The following SLC44A1 variants were observed in gnomAD, a reference collection of about 807,000 sequenced individuals.
SLC44A1 encodes the protein choline transporter-like protein 1.
SLC44A1 carries 26 observed loss-of-function variants against 79.3 expected under a neutral mutation model. That is an observed-to-expected ratio of 0.33 (90% CI 0.24 to 0.46). The LOEUF (loss-of-function observed/expected upper bound fraction) is 0.46, where lower values mean the gene tolerates loss of function less well. Among genes scored for constraint, SLC44A1 ranks in the 20% least tolerant of loss-of-function variants. The pLI is 1.00. For missense variants in SLC44A1, 688 were observed against 798.1 expected (o/e 0.86, Z 1.66); for synonymous variants, 263 against 286.2 (o/e 0.92, Z 0.82).
At chr9:105,252,980 C>G (rs1232888958) in intron 1 of SLC44A1, among the ~76,000 whole-genome samples, 1 of 152,158 alleles carries the variant, frequency 6.6e-6, no homozygotes, top group Admixed American at 6.5e-5. Context: ...GCCAGTTTTT[C>G]CCCTCTGGGG....
At chr9:105,379,810 C>T (rs1828406399) in intron 13 of SLC44A1, among the ~76,000 whole-genome samples, 1 of 152,024 alleles carries the variant, frequency 6.6e-6, no homozygotes, top group African/African-American at 2.4e-5. Context: ...ATCCCAAAAC[C>T]CCTCAATCTC....
intron 14 of SLC44A1, among the ~76,000 whole-genome samples, chr9:105,384,812 A>G (rs1588856996): frequency 1.3e-5 from 2 of 152,208 alleles, no homozygotes; most frequent in African/African-American, 2.4e-5. Context: ...CAGAATAGAA[A>G]TGTTCCCTTT....
At chr9:105,386,549 G>A (rs910419351) in intron 15 of SLC44A1, 17 of 400,434 alleles carry the variant, frequency 4.2e-5, no homozygotes, top group East Asian at 1.6e-4. Context: ...ACACAAATTC[G>A]TAAACTTTAT....
chr9:105,366,253 T>A, intron 11 of SLC44A1, 93 bp from the exon 12 acceptor site: 1 of 591,734 alleles, frequency 1.7e-6, no homozygotes, highest in Non-Finnish European at 2.8e-6. Context: ...TTGTGATTTT[T>A]AAATTTTTAT....
intron 2 of SLC44A1, among the ~76,000 whole-genome samples, chr9:105,303,581 A>G (rs937126813): frequency 2.6e-5 from 4 of 152,338 alleles, no homozygotes; most frequent in East Asian, 1.9e-4. Context: ...TCAAGGACGT[A>G]TACATTGTTG....
chr9:105,428,721 T>C (rs1829353644), intron 15 of SLC44A1, among the ~76,000 whole-genome samples: 1 of 152,340 alleles, frequency 6.6e-6, no homozygotes, highest in South Asian at 2.1e-4. Context: ...TTTTTTGAGA[T>C]GGAGTCTCGT....
At chr9:105,257,910 T>C (rs1438266380) in intron 1 of SLC44A1, among the ~76,000 whole-genome samples, 1 of 152,016 alleles carries the variant, frequency 6.6e-6, no homozygotes, top group Non-Finnish European at 1.5e-5. Flanking sequence ...GGGAGGAAAA[T>C]GGGCAGCCAT....
chr9:105,372,433 G>T (rs903133160), intron 12 of SLC44A1, among the ~76,000 whole-genome samples: 1 of 151,772 alleles, frequency 6.6e-6, no homozygotes, highest in Non-Finnish European at 1.5e-5. Flanking sequence ...GATTACAGGC[G>T]CATGCCAGCA....
intron 1 of SLC44A1, among the ~76,000 whole-genome samples, chr9:105,254,062 T>A: frequency 6.6e-6 from 1 of 151,914 alleles, no homozygotes; most frequent in East Asian, 1.9e-4. Context: ...ATAATAATAA[T>A]AAAAAAAACC....
At chr9:105,256,050 G>T (rs535019352) in intron 1 of SLC44A1, among the ~76,000 whole-genome samples, 27 of 152,140 alleles carry the variant, frequency 1.8e-4, no homozygotes, top group Non-Finnish European at 3.1e-4. Context: ...GTCTTGCTCT[G>T]TCACCCTGGC....
chr9:105,418,751 T>G (rs1829207368), intron 15 of SLC44A1, among the ~76,000 whole-genome samples: 1 of 152,208 alleles, frequency 6.6e-6, no homozygotes, highest in South Asian at 2.1e-4. Context: ...TGTGCCTGAC[T>G]GGCCTGCCCC....
chr9:105,261,775 C>CTTTTTTTT (rs35530318), intron 1 of SLC44A1, among the ~76,000 whole-genome samples: 2 of 111,686 alleles, frequency 1.8e-5, no homozygotes, highest in Non-Finnish European at 1.8e-5. Context: ...CTCTCTCTCT[C>CTTTTTTTT]TTTTTTTTTT....
At chr9:105,311,781 T>C (rs1831187704) in intron 3 of SLC44A1, among the ~76,000 whole-genome samples, 1 of 152,228 alleles carries the variant, frequency 6.6e-6, no homozygotes, top group African/African-American at 2.4e-5. Flanking sequence ...TACTTAAGTA[T>C]TTCTGTCTAT....
intron 15 of SLC44A1, among the ~76,000 whole-genome samples, chr9:105,405,684 G>A (rs1588872362): frequency 6.6e-6 from 1 of 152,078 alleles, no homozygotes; most frequent in Admixed American, 6.5e-5. Flanking sequence ...GAATTGTCTG[G>A]TGGCTCCCTG....
At chr9:105,255,580 T>TC (rs1440354385) in intron 1 of SLC44A1, among the ~76,000 whole-genome samples, 1 of 152,228 alleles carries the variant, frequency 6.6e-6, no homozygotes, top group African/African-American at 2.4e-5. Context: ...TTGAATTTAG[T>TC]CTGTTATACT....
chr9:105,393,999 AT>A lies in SLC44A1; in HGVS notation c.*4947del, dbSNP rs1828821656. On this transcript the variant is annotated 3_prime_UTR_variant, in exon 16 of 16. Coordinates refer to ENST00000374720, the MANE Select transcript of SLC44A1 (RefSeq NM_080546.5). ...AATATTTGATATTCAAAAACAAGTT[AT>A]TTTGAAGAGACAATGGGTCTCTTTG... 1 of 984,524 alleles carries A rather than the reference AT, an allele frequency of 1.0e-6. No homozygotes were observed. Among genetic ancestry groups the A allele is most frequent in the Non-Finnish European group, 1.2e-6 (1 of 829,100 alleles). The allele number at this position is 984,524 out of a possible 1,614,324, so 61.0% of individuals were successfully genotyped here. A position where few individuals can be genotyped will look rare whatever the true frequency, so the allele number is the denominator to read the frequency against.
At chr9:105,270,274 A>G (rs906494764) in intron 1 of SLC44A1, among the ~76,000 whole-genome samples, 3 of 152,058 alleles carry the variant, frequency 2.0e-5, no homozygotes, top group African/African-American at 7.2e-5. Flanking sequence ...GACTGTCTGT[A>G]GTCTTTCTTT....
intron 1 of SLC44A1, among the ~76,000 whole-genome samples, chr9:105,270,102 T>C (rs1830044927): frequency 6.6e-6 from 1 of 152,210 alleles, no homozygotes; most frequent in Admixed American, 6.5e-5. Flanking sequence ...TACCTGCTAA[T>C]GTCCCAAGCG....
At position 105,432,593 on chromosome 9, in the gene SLC44A1, C is replaced by T. The variant is rs1829411086; in HGVS notation, c.1951-5688C>T. On this transcript the variant is annotated intron_variant, in intron 15 of 15. Transcript: ENST00000374724. ...TTGCCATATGGTCTGCCATAACAAT[C>T]CAAGATTGATCCCTTTCTTCCTGTT... Among the ~76,000 whole-genome samples the T allele has an allele frequency of 2.0e-5, 3 of 152,316 alleles. No individual in the cohort carries two copies. In the South Asian group the frequency reaches 6.2e-4, roughly 32 times the overall value.
Sources: allele counts gnomAD v4.1 joint callset (sites outside exome capture counted in the v4.1 genomes callset), GRCh38; gene constraint gnomAD v4.1.1; transcripts MANE v1.5; gene names NCBI Gene and HGNC (gene_info 2026-07-23, HGNC 2026-07-21).